Variants in MARK2 observed in about 807,000 individuals in gnomAD.
MARK2 encodes the protein microtubule affinity regulating kinase 2.
MARK2 carries 16 observed loss-of-function variants against 89.8 expected under a neutral mutation model. The observed-to-expected ratio is 0.18, with a 90% CI of 0.12 to 0.27. The LOEUF (loss-of-function observed/expected upper bound fraction) is 0.27, where lower values mean the gene tolerates loss of function less well. Ranked by LOEUF, MARK2 falls within the 10% of genes least tolerant of loss-of-function variation. MARK2 has a pLI of 1.00. For synonymous variants in MARK2, 382 were observed against 399.5 expected (o/e 0.96, Z 0.52); for missense variants, 621 against 1,049.9 (o/e 0.59, Z 5.65).
At position 63,902,520 on chromosome 11, in the gene MARK2, C is replaced by T; in HGVS notation, c.1235-81C>T. 1 of 1,459,540 alleles carries T rather than the reference C, an allele frequency of 6.9e-7. No homozygotes were observed. The highest frequency in any genetic ancestry group is 1.2e-5 in the South Asian group (1 of 80,200). 90.4% of individuals were successfully genotyped at this position (1,459,540 alleles called of 1,614,324 possible). A position where few individuals can be genotyped will look rare whatever the true frequency, so the allele number is the denominator to read the frequency against. Reference sequence around the variant, plus strand: ...GGGGCTTGCTGGGTTGTTGGCCAGCCCTGTAGGAAATGAGCATGCGTGGGG... The same window carrying T: ...GGGGCTTGCTGGGTTGTTGGCCAGCTCTGTAGGAAATGAGCATGCGTGGGG... On this transcript the variant is annotated intron_variant, in intron 12 of 18. Coordinates refer to ENST00000402010, the MANE Select transcript of MARK2 (RefSeq NM_001039469.3). The surrounding 1 kb of genome is among the most constrained non-coding windows in gnomAD (Gnocchi z 4.2).
chr11:63,871,438 C>T (rs178613), intron 1 of MARK2, among the ~76,000 whole-genome samples: 10 of 123,980 alleles, frequency 8.1e-5, no homozygotes, highest in African/African-American at 9.4e-5. Flanking sequence ...GAGTATTCAC[C>T]GTGTGCAGGT....
chr11:63,856,010 A>G (rs1008137163), intron 1 of MARK2, among the ~76,000 whole-genome samples: 7 of 152,244 alleles, frequency 4.6e-5, no homozygotes, highest in Non-Finnish European at 1.0e-4. Flanking sequence ...GTAGTCCTCA[A>G]TAATTTTTTA....
intron 1 of MARK2, among the ~76,000 whole-genome samples, chr11:63,887,648 AAT>A (rs1373075148): frequency 7.9e-5 from 12 of 152,192 alleles, no homozygotes; most frequent in East Asian, 1.9e-4. Flanking sequence ...CCTAGCCTAG[AAT>A]AGGGGATGAA....
At chr11:63,846,790 G>C (rs2016304964) in intron 1 of MARK2, among the ~76,000 whole-genome samples, 2 of 151,694 alleles carry the variant, frequency 1.3e-5, no homozygotes. Context: ...CGAGTAGCTG[G>C]GACTACAGGT....
At chr11:63,847,595 C>A (rs937781659) in intron 1 of MARK2, among the ~76,000 whole-genome samples, 2 of 152,200 alleles carry the variant, frequency 1.3e-5, no homozygotes, top group Non-Finnish European at 2.9e-5. Flanking sequence ...GGGCTGTGTT[C>A]GTTGAGGCGA....
At chr11:63,878,324 C>CA (rs1209877790) in intron 1 of MARK2, among the ~76,000 whole-genome samples, 1 of 150,076 alleles carries the variant, frequency 6.7e-6, no homozygotes, top group African/African-American at 2.5e-5. Flanking sequence ...GCCTTAAGCT[C>CA]TACCCCAAAT....
intron 1 of MARK2, among the ~76,000 whole-genome samples, chr11:63,840,285 G>C (rs1169285158): frequency 6.6e-6 from 1 of 152,148 alleles, no homozygotes; most frequent in Non-Finnish European, 1.5e-5. Context: ...CATGCGCATA[G>C]TTTTCCCACA....
chr11:63,866,602 A>G (rs546431215), intron 1 of MARK2, among the ~76,000 whole-genome samples: 1 of 152,156 alleles, frequency 6.6e-6, no homozygotes, highest in African/African-American at 2.4e-5. Context: ...CTATTATCAA[A>G]TTCCTCTTGG....
In MARK2 at chr11:63,910,210, G is replaced by GCCCTTCCTCT. The variant is rs1462048290; in HGVS notation, c.*977_*986dup. ...CTTTGTCTGAAAGCACAGCCCCCTCGCCCTTCCTCTCCCCATGGCTTCCCC... is the reference window on the plus strand; with the variant it reads ...CTTTGTCTGAAAGCACAGCCCCCTCGCCCTTCCTCTCCCTTCCTCTCCCCATGGCTTCCCC... On this transcript the variant is annotated 3_prime_UTR_variant, in exon 19 of 19. Transcript: ENST00000402010. The GCCCTTCCTCT allele has an allele frequency of 2.6e-5, 4 of 152,640 alleles. No homozygotes were observed. The highest frequency in any genetic ancestry group is 5.8e-5 in the Non-Finnish European group (4 of 68,388). The allele number at this position is 152,640 out of a possible 1,614,324, so 9.5% of individuals were successfully genotyped here. A position where few individuals can be genotyped will look rare whatever the true frequency, so the allele number is the denominator to read the frequency against.
At position 63,895,616 on chromosome 11, in the gene MARK2, T is replaced by A. The variant is rs1411876910; in HGVS notation, c.271T>A (p.Ser91Thr). Residue 91 changes from serine (S) to threonine (T), a missense_variant, in exon 3 of 19, where the codon TCC becomes ACC. By Grantham distance (58) the Ser-to-Thr change is moderately conservative. Around this residue, in one of 5 missense-constraint regions of MARK2, gnomAD observed 82 missense variants for 287.7 expected, o/e 0.29. Coordinates refer to ENST00000402010, the MANE Select transcript of MARK2 (RefSeq NM_001039469.3). ...VKIIDKTQLN[S>T]SSLQKLFREV... ...GATCATTGACAAGACTCAACTGAACTCCTCCAGCCTCCAGAAAGTAAGCAC... is the reference window on the plus strand; with the variant it reads ...GATCATTGACAAGACTCAACTGAACACCTCCAGCCTCCAGAAAGTAAGCAC... 6.2e-7 allele frequency: 1 copy of A among 1,602,864 alleles called. No individual in the cohort carries two copies. The highest frequency in any genetic ancestry group is 8.5e-7 in the Non-Finnish European group (1 of 1,174,076).
At chr11:63,893,305 A>AC (rs1412813281) in intron 1 of MARK2, among the ~76,000 whole-genome samples, 1 of 151,994 alleles carries the variant, frequency 6.6e-6, no homozygotes, top group African/African-American at 2.4e-5. Flanking sequence ...GGCATGAGCT[A>AC]CCTTGCCTGG....
chr11:63,903,912 C>T lies in MARK2; in HGVS notation c.1515-74C>T. 1.5e-6 allele frequency: 2 copies of T among 1,336,442 alleles called. No individual in the cohort carries two copies. Among genetic ancestry groups the T allele is most frequent in the Non-Finnish European group, 2.0e-6 (2 of 976,838 alleles). 82.8% of individuals were successfully genotyped at this position (1,336,442 alleles called of 1,614,324 possible). ...TCCCCAGCTCTGGCCCTTCCCCTGC[C>T]CTTGCTTCCTAATCCAGGCCTCCCG... On this transcript the variant is annotated intron_variant, in intron 14 of 18. Coordinates refer to ENST00000402010, the MANE Select transcript of MARK2 (RefSeq NM_001039469.3). The surrounding 1 kb of genome is among the most constrained non-coding windows in gnomAD (Gnocchi z 5.1).
chr11:63,875,472 G>A (rs899350856), intron 1 of MARK2, among the ~76,000 whole-genome samples: 3 of 151,834 alleles, frequency 2.0e-5, no homozygotes, highest in Non-Finnish European at 2.9e-5. Flanking sequence ...GGCTGGTCTC[G>A]AACTCCTTGC....
At chr11:63,846,505 G>A (rs1000622219) in intron 1 of MARK2, among the ~76,000 whole-genome samples, 10 of 151,518 alleles carry the variant, frequency 6.6e-5, no homozygotes, top group African/African-American at 2.4e-4. Context: ...ACAGGTGTAC[G>A]CCACTGTACC....
intron 1 of MARK2, among the ~76,000 whole-genome samples, chr11:63,844,542 GA>G (rs1822227090): frequency 6.6e-6 from 1 of 152,282 alleles, no homozygotes; most frequent in South Asian, 2.1e-4. Flanking sequence ...TAAACAGATG[GA>G]TATAAGACAG....
chr11:63,908,899 G>C lies in MARK2; in HGVS notation c.2029G>C (p.Gly677Arg). Residue 677 changes from glycine to arginine, a missense_variant, in exon 19 of 19, where the codon GGC becomes CGC. Physicochemically the swap from Gly to Arg is moderately radical, Grantham distance 125 (BLOSUM62 -2). This residue lies in a region of MARK2 where 397 missense variants were observed against 567.8 expected (regional missense o/e 0.70). Transcript: ENST00000402010. ...CAGACCTCACGTGGTGGGCAGTGGC[G>C]GCAACGACAAAGAAAAGGAAGAATT... ...TLRPHVVGSG[G>R]NDKEKEEFRE... 1 of 1,507,232 alleles carries C rather than the reference G, an allele frequency of 6.6e-7. No homozygotes were observed. The highest frequency in any genetic ancestry group is 8.9e-7 in the Non-Finnish European group (1 of 1,121,686). 93.4% of individuals were successfully genotyped at this position (1,507,232 alleles called of 1,614,324 possible). A position where few individuals can be genotyped will look rare whatever the true frequency, so the allele number is the denominator to read the frequency against.
chr11:63,879,286 G>A lies in MARK2; in HGVS notation c.55-15873G>A, dbSNP rs187485371. 8.0e-4 allele frequency among the ~76,000 whole-genome samples: 121 copies of A among 152,042 alleles called. 1 individual carries two copies. In the East Asian group the frequency reaches 0.022, roughly 28 times the overall value. On this transcript the variant is annotated intron_variant, in intron 1 of 18. Coordinates refer to ENST00000402010, the MANE Select transcript of MARK2 (RefSeq NM_001039469.3). The stretch of plus-strand genomic sequence containing the variant: ...GACACCACTGCACTCCAGCCTGGGC[G>A]ATAGAGTGAGACTCTGTCTCAAAAA...
At chr11:63,859,407 G>A (rs577790573) in intron 1 of MARK2, among the ~76,000 whole-genome samples, 3 of 148,294 alleles carry the variant, frequency 2.0e-5, no homozygotes, top group South Asian at 2.1e-4. Flanking sequence ...GCAACCCTCC[G>A]CCTCACAGGT....
Position 63,909,246 on chromosome 11 carries a change from C to A in MARK2, c.*9C>A. 6.3e-7 allele frequency: 1 copy of A among 1,578,292 alleles called. No individual in the cohort carries two copies. Among genetic ancestry groups the A allele is most frequent in the South Asian group, 1.1e-5 (1 of 89,336 alleles). On this transcript the variant is annotated 3_prime_UTR_variant, in exon 19 of 19. Transcript: ENST00000402010. ...ACGAGCTGAAGCTTTAACAGGCTGC[C>A]AGGAGCGGGGGCGGCGGGGGCGGGC...
Sources: gnomAD v4.1 joint callset for allele counts (sites outside exome capture counted in the v4.1 genomes callset) on GRCh38, gnomAD v4.1.1 for gene constraint, gnomAD v4.1.1 regional missense constraint, Gnocchi (gnomAD v3.1) non-coding constraint, MANE v1.5 for transcripts, NCBI Gene and HGNC (gene_info 2026-07-23, HGNC 2026-07-21) for gene names.